The following SUSD4 variants were observed in gnomAD, a reference collection of about 807,000 sequenced individuals.
SUSD4 encodes the protein sushi domain containing 4.
In SUSD4, 41 loss-of-function variants were observed where a neutral mutation model predicts 50.5. The ratio of observed to expected loss-of-function variants is 0.81; its 90% confidence interval spans 0.63 to 1.05. The LOEUF (loss-of-function observed/expected upper bound fraction) is 1.05. Ranked by LOEUF, SUSD4 falls within the 50% of genes least tolerant of loss-of-function variation. The probability of loss-of-function intolerance (pLI) is 0.00; values close to 1 mark genes in which losing one functional copy is unlikely to be tolerated. For synonymous variants in SUSD4, 257 were observed against 257.3 expected, an observed-to-expected ratio of 1.00 and a Z score of 0.01; for missense variants, 580 against 634.7, an observed-to-expected ratio of 0.91 and a Z score of 0.93.
At chr1:223,353,733 G>A (rs966084573) in intron 2 of SUSD4, among the ~76,000 whole-genome samples, 11 of 152,126 alleles carry the variant, frequency 7.2e-5, no homozygotes, top group African/African-American at 2.7e-4. Flanking sequence ...CGGTGCCCCA[G>A]GACAGAGGAA....
At chr1:223,324,506 A>G (rs1356592412) in intron 2 of SUSD4, among the ~76,000 whole-genome samples, 2 of 151,930 alleles carry the variant, frequency 1.3e-5, no homozygotes, top group Non-Finnish European at 2.9e-5. Context: ...AAAGCTTAAA[A>G]CATAGCTCAT....
At chr1:223,315,410 T>C (rs1365956140) in intron 2 of SUSD4, among the ~76,000 whole-genome samples, 3 of 152,244 alleles carry the variant, frequency 2.0e-5, no homozygotes, top group Non-Finnish European at 4.4e-5. Flanking sequence ...AAGATTGGTC[T>C]TTTGAGATGG....
chr1:223,275,118 G>C (rs748508020), intron 3 of SUSD4, among the ~76,000 whole-genome samples: 1 of 152,176 alleles, frequency 6.6e-6, no homozygotes, highest in African/African-American at 2.4e-5. Flanking sequence ...AGTTCATCTG[G>C]AGCCTCTGGG....
rs1161840742 is a variant in SUSD4 at position 223,336,931 on chromosome 1, A to G, written c.148+26347T>C. Among the ~76,000 whole-genome samples, 15 of 152,276 alleles carry G rather than the reference A, an allele frequency of 9.9e-5. No individual in the cohort carries two copies. In the East Asian group the frequency reaches 2.7e-3, roughly 27 times the overall value. On this transcript the variant is annotated intron_variant, in intron 2 of 8. Transcript: ENST00000366878. The stretch of plus-strand genomic sequence containing the variant: ...GCCCAGAAACTCTCCCTTGAAGCCC[A>G]TGGAACCTGGTGAGAGCTGGCCACT...
rs950705425 is a variant in SUSD4 at position 223,227,959 on chromosome 1, C to A, written c.917-221G>T. 1.2e-4 allele frequency among the ~76,000 whole-genome samples: 18 copies of A among 152,206 alleles called. No individual in the cohort carries two copies. The highest frequency in any genetic ancestry group is 3.3e-4 in the Admixed American group (5 of 15,286). On this transcript the variant is annotated intron_variant, in intron 6 of 8. Transcript: ENST00000366878. The surrounding 1 kb of genome is among the most constrained non-coding windows in gnomAD (Gnocchi z 4.5). The stretch of plus-strand genomic sequence containing the variant: ...AACCTGTCTCCAGCATGGGCTCTGC[C>A]AGGTTGCAGACCTGCATGCTCACAT...
intron 4 of SUSD4, among the ~76,000 whole-genome samples, chr1:223,268,012 T>TC (rs58336088): frequency 1.3e-5 from 1 of 78,344 alleles, no homozygotes; most frequent in Non-Finnish European, 2.6e-5. Flanking sequence ...TCATGCATTT[T>TC]TTATATATAT....
At chr1:223,245,803 C>T (rs1660884530) in intron 5 of SUSD4, among the ~76,000 whole-genome samples, 1 of 151,278 alleles carries the variant, frequency 6.6e-6, no homozygotes, top group South Asian at 2.1e-4. Context: ...TGTTATTCCT[C>T]TGTTTCTAAA....
chr1:223,248,034 G>A (rs757852035), intron 5 of SUSD4, among the ~76,000 whole-genome samples: 22 of 152,128 alleles, frequency 1.4e-4, no homozygotes, highest in Non-Finnish European at 3.2e-4. Flanking sequence ...ATTAGAAATT[G>A]GTACTCTCTA....
chr1:223,323,638 G>A (rs1489987398), intron 2 of SUSD4, among the ~76,000 whole-genome samples: 1 of 152,196 alleles, frequency 6.6e-6, no homozygotes, highest in Non-Finnish European at 1.5e-5. Context: ...CCAAGACTCA[G>A]AGGGTAGAGA....
chr1:223,238,228 C>A (rs1660348870), intron 5 of SUSD4, among the ~76,000 whole-genome samples: 2 of 151,838 alleles, frequency 1.3e-5, no homozygotes, highest in South Asian at 4.2e-4. Flanking sequence ...AATTTATGTT[C>A]TTTCTCTTTT....
intron 2 of SUSD4, among the ~76,000 whole-genome samples, chr1:223,356,932 T>C (rs1196866061): frequency 1.3e-5 from 2 of 152,176 alleles, no homozygotes; most frequent in African/African-American, 4.8e-5. Flanking sequence ...ACTTGTCAAG[T>C]GCTTGTCCAA....
chr1:223,239,179 C>G (rs1432246728), intron 5 of SUSD4, among the ~76,000 whole-genome samples: 1 of 152,004 alleles, frequency 6.6e-6, no homozygotes, highest in South Asian at 2.1e-4. Context: ...TTACTGTTAG[C>G]AGGGTACATT....
chr1:223,327,973 G>C (rs192349707), intron 2 of SUSD4, among the ~76,000 whole-genome samples: 106 of 152,232 alleles, frequency 7.0e-4, no homozygotes, highest in African/African-American at 2.3e-3. Context: ...AGGGAGAAGA[G>C]AGATCCCAAC....
intron 2 of SUSD4, among the ~76,000 whole-genome samples, chr1:223,338,266 G>A (rs1667563482): frequency 6.6e-6 from 1 of 152,214 alleles, no homozygotes; most frequent in Non-Finnish European, 1.5e-5. Context: ...CGAGGAGTGA[G>A]GCCGGGAGCC....
At chr1:223,296,042 T>A (rs1455310083) in intron 2 of SUSD4, among the ~76,000 whole-genome samples, 1 of 137,024 alleles carries the variant, frequency 7.3e-6, no homozygotes, top group Admixed American at 7.1e-5. Context: ...ACAGATCAAT[T>A]GAGCCTGGCT....
intron 2 of SUSD4, among the ~76,000 whole-genome samples, chr1:223,295,287 C>T (rs979398261): frequency 6.6e-5 from 10 of 152,164 alleles, no homozygotes. Flanking sequence ...CAATGGAATT[C>T]ATGGTTTTAT....
intron 3 of SUSD4, among the ~76,000 whole-genome samples, chr1:223,286,836 C>T (rs1664176507): frequency 6.6e-6 from 1 of 152,212 alleles, no homozygotes; most frequent in Non-Finnish European, 1.5e-5. Flanking sequence ...CAAGGAACCT[C>T]TCCCTAGAGA....
intron 2 of SUSD4, among the ~76,000 whole-genome samples, chr1:223,313,365 T>C (rs1665993144): frequency 6.6e-6 from 1 of 152,176 alleles, no homozygotes; most frequent in Non-Finnish European, 1.5e-5. Context: ...TATACGTGGA[T>C]GTACCAGGAG....
At chr1:223,299,118 C>T (rs933184855) in intron 2 of SUSD4, among the ~76,000 whole-genome samples, 1 of 152,176 alleles carries the variant, frequency 6.6e-6, no homozygotes, top group Non-Finnish European at 1.5e-5. Flanking sequence ...TCAAATTATC[C>T]CCTAGCAGAT....
Sources: gnomAD v4.1 joint callset for allele counts (sites outside exome capture counted in the v4.1 genomes callset) on GRCh38, gnomAD v4.1.1 for gene constraint, Gnocchi (gnomAD v3.1) non-coding constraint, MANE v1.5 for transcripts, NCBI Gene and HGNC (gene_info 2026-07-23, HGNC 2026-07-21) for gene names.